The following WHRN variants were observed in gnomAD, a reference collection of about 807,000 sequenced individuals.
The protein encoded by WHRN is CASK-interacting protein CIP98.
A neutral mutation model predicts 68.3 loss-of-function variants in WHRN; 41 were observed. That is an observed-to-expected ratio of 0.60 (90% CI 0.47 to 0.78). WHRN has a LOEUF of 0.78. WHRN is among the 30% of genes least tolerant of loss of function. WHRN has a pLI of 0.00. For synonymous variants in WHRN, 560 were observed against 561.3 expected (o/e 1.00, Z 0.03); for missense variants, 1,243 against 1,244.7 (o/e 1.00, Z 0.02).
intron 1 of WHRN, among the ~76,000 whole-genome samples, chr9:114,500,917 C>A (rs1038601981): frequency 3.9e-5 from 6 of 152,200 alleles, no homozygotes; most frequent in Non-Finnish European, 5.9e-5. Flanking sequence ...CCTCATCTCC[C>A]AATCCTTAGC....
At chr9:114,433,110 C>T (rs566617120) in intron 3 of WHRN, among the ~76,000 whole-genome samples, 22 of 152,298 alleles carry the variant, frequency 1.4e-4, no homozygotes, top group South Asian at 4.1e-4. Context: ...GGCCCCTGCA[C>T]GAACCAATAC....
rs560368808 is a variant in WHRN at position 114,488,247 on chromosome 9, T to A, written c.619-9476A>T. Among the ~76,000 whole-genome samples, 13 of 152,234 alleles carry A rather than the reference T, an allele frequency of 8.5e-5. No homozygotes were observed. The East Asian group carries it at 2.5e-3, about 29-fold the overall frequency. On this transcript the variant is annotated intron_variant, in intron 1 of 11. Coordinates refer to ENST00000362057, the MANE Select transcript of WHRN (RefSeq NM_015404.4). ...GTCATGTAAACTGAATGAGGGCCAA[T>A]GAGAAAATGTGCATAAAGCATCTTG...
intron 3 of WHRN, among the ~76,000 whole-genome samples, chr9:114,449,736 T>G (rs1839154973): frequency 6.6e-6 from 1 of 152,138 alleles, no homozygotes; most frequent in Non-Finnish European, 1.5e-5. Flanking sequence ...GGAAAGACGT[T>G]CATCATCAAT....
chr9:114,461,153 T>C (rs1262761510), intron 3 of WHRN, among the ~76,000 whole-genome samples: 7 of 152,232 alleles, frequency 4.6e-5, no homozygotes, highest in African/African-American at 1.7e-4. Flanking sequence ...AGTGGACACT[T>C]CTACGGAATA....
At chr9:114,407,817 C>A in intron 8 of WHRN, 130 bp downstream of exon 8, 1 of 758,468 alleles carries the variant, frequency 1.3e-6, no homozygotes, top group Non-Finnish European at 2.3e-6. Flanking sequence ...GGTGTGAGAG[C>A]TCATGGCAGA....
intron 2 of WHRN, among the ~76,000 whole-genome samples, chr9:114,471,545 G>C (rs927307831): frequency 2.0e-5 from 3 of 152,198 alleles, no homozygotes; most frequent in Non-Finnish European, 2.9e-5. Flanking sequence ...TTGCTTCTCG[G>C]ATCTTCAGTT....
At position 114,424,563 on chromosome 9, in the gene WHRN, T is replaced by C. The variant is rs200002920; in HGVS notation, c.1204-17A>G. On this transcript the variant is annotated splice_polypyrimidine_tract_variant and intron_variant, in intron 5 of 11. Transcript: ENST00000362057. ...AAATCCTGGCTGCAAGACAGAAAGA[T>C]AGAAGCCCAGGAATTCTTAGCTGCT... The C allele has an allele frequency of 1.6e-3, 2,554 of 1,597,648 alleles. 6 individuals are homozygous for C. The highest frequency in any genetic ancestry group is 2.0e-3 in the Non-Finnish European group (2,361 of 1,171,920).
intron 7 of WHRN, among the ~76,000 whole-genome samples, chr9:114,408,323 G>T (rs564587395): frequency 6.6e-6 from 1 of 152,162 alleles, no homozygotes; most frequent in Non-Finnish European, 1.5e-5. Context: ...GGCCACGAGC[G>T]CTGTGCTCCA....
At chr9:114,502,179 G>A (rs1481351312) in intron 1 of WHRN, among the ~76,000 whole-genome samples, 1 of 152,182 alleles carries the variant, frequency 6.6e-6, no homozygotes, top group African/African-American at 2.4e-5. Flanking sequence ...GTCCCGCCAT[G>A]GCTAGAAGTG....
chr9:114,404,215 C>G lies in WHRN; in HGVS notation c.2237-138G>C, dbSNP rs546013837. 7.2e-6 allele frequency: 7 copies of G among 978,866 alleles called. No homozygotes were observed. The East Asian group carries it at 1.0e-4, about 15-fold the overall frequency. The allele number at this position is 978,866 out of a possible 1,614,324, so 60.6% of individuals were successfully genotyped here. A position where few individuals can be genotyped will look rare whatever the true frequency, so the allele number is the denominator to read the frequency against. ...AAGATGGGGGAAGGAATGAAGAGATCGTGGGGCCAGAGGGCAGGTCCACTC... is the reference window on the plus strand; with the variant it reads ...AAGATGGGGGAAGGAATGAAGAGATGGTGGGGCCAGAGGGCAGGTCCACTC... On this transcript the variant is annotated intron_variant, in intron 9 of 11. Transcript: ENST00000362057.
At chr9:114,470,201 G>A (rs1032148045) in intron 2 of WHRN, among the ~76,000 whole-genome samples, 5 of 152,204 alleles carry the variant, frequency 3.3e-5, no homozygotes, top group African/African-American at 4.8e-5. Context: ...TTGTCTCAGA[G>A]TCTATTCCCA....
In WHRN at chr9:114,478,779, G is replaced by T; in HGVS notation, c.619-8C>A. 6.2e-7 allele frequency: 1 copy of T among 1,608,640 alleles called. No homozygotes were observed. The stretch of plus-strand genomic sequence containing the variant: ...CTTGGAGCCCTTCAGAGCCTAGGGA[G>T]AGAGGGATACAAAGGTTAGAGGAAG... On this transcript the variant is annotated splice_polypyrimidine_tract_variant and splice_region_variant and intron_variant, in intron 1 of 11. Coordinates refer to ENST00000362057, the MANE Select transcript of WHRN (RefSeq NM_015404.4).
chr9:114,445,258 T>C (rs1049443360), intron 3 of WHRN, among the ~76,000 whole-genome samples: 1 of 152,092 alleles, frequency 6.6e-6, no homozygotes, highest in African/African-American at 2.4e-5. Flanking sequence ...CCCAGGCTAG[T>C]CTCAAACTCC....
At chr9:114,406,959 G>A in intron 8 of WHRN, 67 bp from the exon 9 acceptor site, 1 of 1,531,740 alleles carries the variant, frequency 6.5e-7, no homozygotes, top group Non-Finnish European at 8.8e-7. Flanking sequence ...GGGAGGCCGA[G>A]CAGCTGAGTG....
intron 7 of WHRN, among the ~76,000 whole-genome samples, chr9:114,418,495 C>T (rs529036323): frequency 2.0e-5 from 3 of 152,348 alleles, no homozygotes; most frequent in African/African-American, 4.8e-5. Context: ...CCCACTCTTA[C>T]CTATTCTCAA....
intron 8 of WHRN, among the ~76,000 whole-genome samples, 156 bp from the exon 9 acceptor site, chr9:114,407,048 G>A (rs1835089966): frequency 6.6e-6 from 1 of 152,182 alleles, no homozygotes; most frequent in Non-Finnish European, 1.5e-5. Context: ...ACACCTGAGT[G>A]GAAAACTTCT....
chr9:114,432,489 G>A (rs1040730006), intron 3 of WHRN, among the ~76,000 whole-genome samples: 2 of 152,208 alleles, frequency 1.3e-5, no homozygotes, highest in African/African-American at 2.4e-5. Flanking sequence ...AGTGTGTTGT[G>A]CAAAGTACAC....
At chr9:114,469,468 G>C (rs910732724) in intron 2 of WHRN, among the ~76,000 whole-genome samples, 38 of 152,314 alleles carry the variant, frequency 2.5e-4, no homozygotes, top group African/African-American at 8.9e-4. Context: ...TCAGGGCAGC[G>C]AGTCTCTCCT....
chr9:114,486,899 TGTGTGTAGA>T (rs1451841901), intron 1 of WHRN, among the ~76,000 whole-genome samples: 7 of 82,796 alleles, frequency 8.5e-5, no homozygotes, highest in East Asian at 1.2e-3. Context: ...TGTGTGTGTG[TGTGTGTAGA>T]GTGTGTGTGT....
Sources: gnomAD v4.1 joint callset for allele counts (sites outside exome capture counted in the v4.1 genomes callset) on GRCh38, gnomAD v4.1.1 for gene constraint, MANE v1.5 for transcripts, NCBI Gene and HGNC (gene_info 2026-07-23, HGNC 2026-07-21) for gene names.